Variants in CSMD1 observed in about 807,000 individuals in gnomAD.
CSMD1 encodes the protein CUB and Sushi multiple domains 1.
In CSMD1, 213 loss-of-function variants were observed where a neutral mutation model predicts 417.5. The ratio of observed to expected loss-of-function variants is 0.51; its 90% CI spans 0.46 to 0.57. The LOEUF (loss-of-function observed/expected upper bound fraction) is 0.57. Ranked by LOEUF, CSMD1 falls within the 20% of genes least tolerant of loss-of-function variation. The pLI is 0.00. For synonymous variants in CSMD1, 2,862 were observed against 1,736.8 expected, an observed-to-expected ratio of 1.65 and a Z score of -16.11; for missense variants, 6,923 against 4,529.7, an observed-to-expected ratio of 1.53 and a Z score of -15.17.
In CSMD1 at chr8:4,045,722, A is replaced by C. The variant is rs191959527; in HGVS notation, c.416-13623T>G. Reference sequence around the variant, plus strand: ...CAGTAACCATAAGATTCAAAGACTAAAATAAAACGTGTGAACACCAGTGAA... The same window carrying C: ...CAGTAACCATAAGATTCAAAGACTACAATAAAACGTGTGAACACCAGTGAA... On this transcript the variant is annotated intron_variant, in intron 3 of 69. Coordinates refer to ENST00000635120, the MANE Select transcript of CSMD1 (RefSeq NM_033225.6). Among the ~76,000 whole-genome samples, 628 of 152,352 alleles carry C rather than the reference A, an allele frequency of 4.1e-3. 4 individuals are homozygous for C. The highest frequency in any genetic ancestry group is 0.015 in the African/African-American group (612 of 41,576).
chr8:3,411,125 G>A (rs1362543673), intron 12 of CSMD1, among the ~76,000 whole-genome samples: 1 of 152,152 alleles, frequency 6.6e-6, no homozygotes, highest in Non-Finnish European at 1.5e-5. Flanking sequence ...CAGAGCTTTG[G>A]AGGAGACCTG....
chr8:4,744,218 C>A (rs889836667), intron 1 of CSMD1, among the ~76,000 whole-genome samples: 2 of 151,902 alleles, frequency 1.3e-5, no homozygotes, highest in Non-Finnish European at 2.9e-5. Context: ...TCTGCAGGCT[C>A]GGGGGGCACA....
chr8:3,881,428 G>C (rs1643043275), intron 5 of CSMD1, among the ~76,000 whole-genome samples: 2 of 151,436 alleles, frequency 1.3e-5, no homozygotes, highest in South Asian at 4.2e-4. Context: ...AAGGTTAGGA[G>C]TTCAAAGACC....
At chr8:3,573,191 G>A (rs1800013284) in intron 10 of CSMD1, among the ~76,000 whole-genome samples, 1 of 152,036 alleles carries the variant, frequency 6.6e-6, no homozygotes, top group South Asian at 2.1e-4. Context: ...GCAACATGTG[G>A]ATTTATCTGT....
At chr8:3,966,636 A>C (rs2130032489) in intron 5 of CSMD1, among the ~76,000 whole-genome samples, 1 of 152,098 alleles carries the variant, frequency 6.6e-6, no homozygotes, top group East Asian at 1.9e-4. Flanking sequence ...ATTAGCCTGC[A>C]AGGTCTTTGA....
At chr8:3,803,414 T>C (rs898466205) in intron 5 of CSMD1, among the ~76,000 whole-genome samples, 2 of 152,152 alleles carry the variant, frequency 1.3e-5, no homozygotes, top group Admixed American at 6.5e-5. Context: ...GTAGTGTAGG[T>C]AGAGCTTGTG....
At chr8:3,662,454 G>T (rs1369767261) in intron 7 of CSMD1, among the ~76,000 whole-genome samples, 1 of 152,104 alleles carries the variant, frequency 6.6e-6, no homozygotes, top group Non-Finnish European at 1.5e-5. Flanking sequence ...GGGCATTTGG[G>T]TTGGTTCCAA....
chr8:4,192,638 C>T (rs1000138224), intron 3 of CSMD1, among the ~76,000 whole-genome samples: 1 of 152,206 alleles, frequency 6.6e-6, no homozygotes, highest in African/African-American at 2.4e-5. Context: ...GGCATATTTG[C>T]TCAGGGATCA....
At chr8:3,436,323 C>G (rs1384111698) in intron 12 of CSMD1, among the ~76,000 whole-genome samples, 3 of 152,082 alleles carry the variant, frequency 2.0e-5, no homozygotes, top group Non-Finnish European at 4.4e-5. Flanking sequence ...AAGTCCATGC[C>G]TTAGAAGCCA....
In CSMD1 at chr8:4,942,361, G is replaced by C. The variant is rs1259327155; in HGVS notation, c.85+51971C>G. 4.6e-5 allele frequency among the ~76,000 whole-genome samples: 7 copies of C among 151,958 alleles called. No individual in the cohort carries two copies. The East Asian group carries it at 1.4e-3, about 29-fold the overall frequency. ...AACCCATTGCTTTCTCGGTACCCTT[G>C]TAGTTTGATGTTTCTTTGCTGAGAT... On this transcript the variant is annotated intron_variant, in intron 1 of 69. Transcript: ENST00000635120.
Position 4,369,537 on chromosome 8 carries a change from A to C in CSMD1, c.415+50416T>G, listed in dbSNP as rs181181901. On this transcript the variant is annotated intron_variant, in intron 3 of 69. Transcript: ENST00000635120. The stretch of plus-strand genomic sequence containing the variant: ...ATGATTTGTCTAACACCGTCAGTGC[A>C]GTATTGAAGTCTCCCAGTATTATTG... Among the ~76,000 whole-genome samples the C allele has an allele frequency of 2.6e-5, 4 of 152,302 alleles. No homozygotes were observed. The East Asian group carries it at 7.7e-4, about 29-fold the overall frequency.
At chr8:4,015,618 G>C (rs114606646) in intron 4 of CSMD1, among the ~76,000 whole-genome samples, 1 of 64,984 alleles carries the variant, frequency 1.5e-5, no homozygotes, top group African/African-American at 5.8e-5. Context: ...CAGTCTCCAA[G>C]AAATACAACA....
At chr8:3,372,304 G>C (rs570391014) in intron 18 of CSMD1, among the ~76,000 whole-genome samples, 1 of 152,258 alleles carries the variant, frequency 6.6e-6, no homozygotes, top group South Asian at 2.1e-4. Flanking sequence ...GAACAGAAAG[G>C]ACACCTCTGT....
intron 1 of CSMD1, among the ~76,000 whole-genome samples, chr8:4,774,669 G>A (rs1193579656): frequency 6.6e-6 from 1 of 152,108 alleles, no homozygotes; most frequent in African/African-American, 2.4e-5. Context: ...TAATGTTGGA[G>A]ATGGCAGAAG....
chr8:4,762,768 T>C (rs141531718), intron 1 of CSMD1, among the ~76,000 whole-genome samples: 10 of 152,282 alleles, frequency 6.6e-5, no homozygotes, highest in African/African-American at 2.2e-4. Flanking sequence ...CTGAATCTCC[T>C]CTGAGCTCTT....
chr8:3,661,431 C>T (rs776683332), intron 7 of CSMD1, among the ~76,000 whole-genome samples: 2 of 152,160 alleles, frequency 1.3e-5, no homozygotes, highest in East Asian at 1.9e-4. Flanking sequence ...TGTGCTGAGG[C>T]TCTCTGAATC....
chr8:4,400,540 G>A (rs1585017191), intron 3 of CSMD1, among the ~76,000 whole-genome samples: 3 of 152,184 alleles, frequency 2.0e-5, no homozygotes, highest in South Asian at 2.1e-4. Flanking sequence ...TATGCCTTTC[G>A]TGCAAGGCAC....
Position 4,850,998 on chromosome 8 carries a change from T to C in CSMD1, c.85+143334A>G, listed in dbSNP as rs544162180. ...AGTTTTAGGGTACATGTGCACAAAG[T>C]GCAGGTTAGTTACATATGTATACAT... On this transcript the variant is annotated intron_variant, in intron 1 of 69. Transcript: ENST00000635120. 8.6e-5 allele frequency among the ~76,000 whole-genome samples: 13 copies of C among 151,784 alleles called. 1 individual carries two copies. The highest frequency in any genetic ancestry group is 2.9e-4 in the African/African-American group (12 of 41,314).
intron 3 of CSMD1, among the ~76,000 whole-genome samples, chr8:4,235,012 G>A (rs1207208751): frequency 1.3e-5 from 2 of 152,172 alleles, no homozygotes; most frequent in South Asian, 2.1e-4. Flanking sequence ...AAATACCATC[G>A]TATTGGTGGG....
Sources: gnomAD v4.1 joint callset for allele counts (sites outside exome capture counted in the v4.1 genomes callset) on GRCh38, gnomAD v4.1.1 for gene constraint, MANE v1.5 for transcripts, NCBI Gene and HGNC (gene_info 2026-07-23, HGNC 2026-07-21) for gene names.